Variants in PHF2 observed in about 807,000 individuals in gnomAD.
The protein encoded by PHF2 is PHD finger protein 2.
Under a neutral mutation model 120.5 loss-of-function variants are expected in PHF2, and 27 were observed. The observed-to-expected ratio is 0.22, with a 90% CI of 0.17 to 0.31. The LOEUF (loss-of-function observed/expected upper bound fraction) is 0.31. Ranked by LOEUF, PHF2 falls within the 10% of genes least tolerant of loss-of-function variation. The pLI is 1.00. For synonymous variants in PHF2, 568 were observed against 592.5 expected, an observed-to-expected ratio of 0.96 and a Z score of 0.60; for missense variants, 1,024 against 1,434.8, an observed-to-expected ratio of 0.71 and a Z score of 4.63.
At chr9:93,669,823 C>G (rs1826749377) in intron 17 of PHF2, among the ~76,000 whole-genome samples, 1 of 152,218 alleles carries the variant, frequency 6.6e-6, no homozygotes, top group Non-Finnish European at 1.5e-5. Context: ...GTCTTGGGAG[C>G]CCTCTTGCTT....
chr9:93,672,103 T>C lies in PHF2; in HGVS notation c.2349-1482T>C, dbSNP rs541361754. On this transcript the variant is annotated intron_variant, in intron 17 of 21. Transcript: ENST00000359246. ...ATGCAGGTGTGGGTGTGGATGTAGG[T>C]ACAGGTGTAGATGCAGGTGTGGGTG... Among the ~76,000 whole-genome samples, 480 of 90,534 alleles carry C rather than the reference T, an allele frequency of 5.3e-3. 9 individuals carry two copies. Among genetic ancestry groups the C allele is most frequent in the African/African-American group, 0.022 (442 of 20,534 alleles). The allele number at this position is 90,534 out of a possible 152,430, so 59.4% of individuals were successfully genotyped here.
At chr9:93,635,644 T>C (rs1365273628) in intron 2 of PHF2, among the ~76,000 whole-genome samples, 1 of 152,314 alleles carries the variant, frequency 6.6e-6, no homozygotes, top group Non-Finnish European at 1.5e-5. Flanking sequence ...GGTGTGTGTG[T>C]GCGCATAGGG....
chr9:93,663,073 G>A (rs774664896), intron 13 of PHF2, 47 bp downstream of exon 13: 1 of 1,611,444 alleles, frequency 6.2e-7, no homozygotes, highest in Non-Finnish European at 8.5e-7. Context: ...TCAGCTTGGT[G>A]AGTGTGAGCA....
chr9:93,609,369 C>T (rs572614747), intron 1 of PHF2, among the ~76,000 whole-genome samples: 6 of 152,248 alleles, frequency 3.9e-5, no homozygotes, highest in African/African-American at 1.4e-4. Flanking sequence ...CTAATACTCT[C>T]CCTTTCTTTC....
intron 2 of PHF2, among the ~76,000 whole-genome samples, chr9:93,631,631 C>T (rs987134538): frequency 6.6e-6 from 1 of 152,160 alleles, no homozygotes; most frequent in Non-Finnish European, 1.5e-5. Flanking sequence ...AAGCTCAGGG[C>T]CAAGCTGTCT....
Position 93,677,745 on chromosome 9 carries a change from C to A in PHF2, c.*69C>A. On this transcript the variant is annotated 3_prime_UTR_variant, in exon 22 of 22. Transcript: ENST00000359246. The surrounding 1 kb of genome is among the most constrained non-coding windows in gnomAD (Gnocchi z 4.4). ...GAGCCCCGCGAAAACATCTGCCTCC[C>A]AGGAGGGTGCCGAGCTGCCTCACCA... is the stretch of plus-strand genomic sequence containing the variant. The A allele has an allele frequency of 8.3e-7, 1 of 1,208,924 alleles. No individual in the cohort carries two copies. The highest frequency in any genetic ancestry group is 1.2e-6 in the Non-Finnish European group (1 of 825,914). 74.9% of individuals were successfully genotyped at this position (1,208,924 alleles called of 1,614,324 possible). A position where few individuals can be genotyped will look rare whatever the true frequency, so the allele number is the denominator to read the frequency against.
intron 2 of PHF2, among the ~76,000 whole-genome samples, chr9:93,633,547 CTCCGCATGT>C (rs1316773549): frequency 6.6e-6 from 1 of 152,242 alleles, no homozygotes; most frequent in African/African-American, 2.4e-5. Flanking sequence ...TGTCCTCATG[CTCCGCATGT>C]GGCTCTGGGA....
intron 10 of PHF2, 45 bp downstream of exon 10, chr9:93,658,281 A>G: frequency 6.9e-7 from 1 of 1,458,234 alleles, no homozygotes; most frequent in East Asian, 2.3e-5. Flanking sequence ...GAGCAGTGAC[A>G]GGCGGGAGGA....
chr9:93,601,636 T>C (rs10992799), intron 1 of PHF2, among the ~76,000 whole-genome samples: 56,976 of 151,870 alleles, frequency 0.38, 11,012 homozygotes, highest in Non-Finnish European at 0.4. Context: ...CCAGGGAAGA[T>C]CAGGGGATGG....
Position 93,656,348 on chromosome 9 carries a change from G to A in PHF2, c.1041-141G>A. Reference sequence around the variant, plus strand: ...TGGGCCCCGAGGTCTGCAGCCACCAGGGCAGTTTTCCCCTGGTCCTCCTCA... The same window carrying A: ...TGGGCCCCGAGGTCTGCAGCCACCAAGGCAGTTTTCCCCTGGTCCTCCTCA... On this transcript the variant is annotated intron_variant, in intron 8 of 21. Coordinates refer to ENST00000359246, the MANE Select transcript of PHF2 (RefSeq NM_005392.4). This position sits in a 1 kb window ranked among gnomAD's most constrained non-coding sequence, Gnocchi z 4.1. The A allele has an allele frequency of 1.5e-6, 1 of 663,226 alleles. No homozygotes were observed. Among genetic ancestry groups the A allele is most frequent in the Middle Eastern group, 2.7e-4 (1 of 3,670 alleles). 41.1% of individuals were successfully genotyped at this position (663,226 alleles called of 1,614,324 possible).
intron 3 of PHF2, 44 bp downstream of exon 3, chr9:93,636,569 A>G: frequency 1.6e-6 from 2 of 1,286,076 alleles, no homozygotes; most frequent in Non-Finnish European, 2.2e-6. Context: ...CAGCCAGGGG[A>G]TGCACACTCT....
At chr9:93,634,712 G>A (rs1826062032) in intron 2 of PHF2, among the ~76,000 whole-genome samples, 1 of 152,232 alleles carries the variant, frequency 6.6e-6, no homozygotes, top group Non-Finnish European at 1.5e-5. Flanking sequence ...TGACAAGGAT[G>A]GGAGACTTCA....
rs977056952 is a variant in PHF2 at position 93,677,186 on chromosome 9, A to G, written c.3202+223A>G. 6.7e-6 allele frequency among the ~76,000 whole-genome samples: 1 copy of G among 150,036 alleles called. No individual in the cohort carries two copies. The highest frequency in any genetic ancestry group is 1.5e-5 in the Non-Finnish European group (1 of 67,592). On this transcript the variant is annotated intron_variant, in intron 21 of 21. Transcript: ENST00000359246. The surrounding 1 kb of genome is among the most constrained non-coding windows in gnomAD (Gnocchi z 4.4). ...ATCCTTCTGCTCAGTGGGCGTGCTC[A>G]GCCCCTGATCTGCCTGCACCCCTGC... is the stretch of plus-strand genomic sequence containing the variant.
Position 93,673,719 on chromosome 9 carries a change from A to T in PHF2, c.2483A>T (p.His828Leu). The change falls in exon 18 of 22, where the codon CAT becomes CTT. Residue 828 changes from histidine to leucine, a missense_variant. Transcript: ENST00000359246. ...GQAKGSSLAA[H>L]GARKNGGGSG... ...GCCAAGGGGAGCTCGCTGGCTGCCC[A>T]TGGTGCCCGGAAGAATGGGGGTGGC... 2 of 1,613,252 alleles carry T rather than the reference A, an allele frequency of 1.2e-6. No individual in the cohort carries two copies. Among genetic ancestry groups the T allele is most frequent in the Non-Finnish European group, 1.7e-6 (2 of 1,179,742 alleles).
At chr9:93,655,831 G>A (rs1481391112) in intron 7 of PHF2, 103 bp from the exon 8 acceptor site, 5 of 778,344 alleles carry the variant, frequency 6.4e-6, no homozygotes, top group South Asian at 1.7e-5. Flanking sequence ...GGGCTGGGCC[G>A]GGAAAGGCCT....
chr9:93,673,188 G>C (rs557911045), intron 17 of PHF2, among the ~76,000 whole-genome samples: 1 of 151,932 alleles, frequency 6.6e-6, no homozygotes, highest in Non-Finnish European at 1.5e-5. Flanking sequence ...AGGGTGGACC[G>C]AGGGGGTACA....
intron 7 of PHF2, 144 bp downstream of exon 7, chr9:93,654,719 A>T: frequency 2.4e-6 from 2 of 831,270 alleles, no homozygotes; most frequent in Non-Finnish European, 4.0e-6. Flanking sequence ...GAGCATATGA[A>T]GTGGAAAGGA....
intron 17 of PHF2, 22 bp downstream of exon 17, chr9:93,667,262 C>T (rs747706045): frequency 6.9e-6 from 11 of 1,600,482 alleles, no homozygotes; most frequent in Non-Finnish European, 8.5e-6. Context: ...CACCCGGCAG[C>T]ACCCAAGAGC....
intron 20 of PHF2, among the ~76,000 whole-genome samples, chr9:93,676,107 G>A (rs1284971685): frequency 1.3e-5 from 2 of 152,096 alleles, no homozygotes; most frequent in Admixed American, 6.5e-5. Context: ...CCATCATGTG[G>A]GTGTTTTTGA....
Sources: gnomAD v4.1 joint callset for allele counts (sites outside exome capture counted in the v4.1 genomes callset) on GRCh38, gnomAD v4.1.1 for gene constraint, Gnocchi (gnomAD v3.1) non-coding constraint, MANE v1.5 for transcripts, NCBI Gene and HGNC (gene_info 2026-07-23, HGNC 2026-07-21) for gene names.